The following TBC1D32 variants were observed in gnomAD, a reference collection of about 807,000 sequenced individuals.
TBC1D32 encodes the protein TBC1 domain family member 32, also known as protein broad-minded.
Under a neutral mutation model 170.3 loss-of-function variants are expected in TBC1D32, and 151 were observed. The ratio of observed to expected loss-of-function variants is 0.89; its 90% CI spans 0.78 to 1.01. The LOEUF is 1.01. Ranked by LOEUF, TBC1D32 falls within the 50% of genes least tolerant of loss-of-function variation. The pLI, the probability that TBC1D32 is intolerant of heterozygous loss-of-function variation, is 0.00. For synonymous variants in TBC1D32, 498 were observed against 488.0 expected (o/e 1.02, Z -0.27); for missense variants, 1,464 against 1,457.1 (o/e 1.00, Z -0.08).
Position 121,239,180 on chromosome 6 carries a change from T to C in TBC1D32, c.2254A>G (p.Asn752Asp). The C allele has an allele frequency of 6.5e-7, 1 of 1,549,080 alleles. No individual in the cohort carries two copies. The highest frequency in any genetic ancestry group is 8.9e-7 in the Non-Finnish European group (1 of 1,126,746). ...GIALKKSGFINELITELWSNL... is the reference protein window; with the variant it reads ...GIALKKSGFIDELITELWSNL... ...GACCATAATTCAGTTATAAGTTCAT[T>C]AATAAACCCTAAAAAGAATTATTAC... Residue 752 changes from asparagine to aspartate, a missense_variant, in exon 20 of 32, where the codon AAT becomes GAT. Physicochemically the swap from Asn to Asp is conservative, Grantham distance 23 (BLOSUM62 1). Coordinates refer to ENST00000398212, the MANE Select transcript of TBC1D32 (RefSeq NM_152730.6).
intron 15 of TBC1D32, among the ~76,000 whole-genome samples, chr6:121,272,801 C>T (rs1228455843): frequency 6.6e-6 from 1 of 152,224 alleles, no homozygotes; most frequent in Admixed American, 6.6e-5. Context: ...TGTAAAGACA[C>T]ATGCACACGT....
At position 121,136,121 on chromosome 6, in the gene TBC1D32, A is replaced by G. The variant is rs77071143; in HGVS notation, c.2774-4369T>C. Among the ~76,000 whole-genome samples, 1,156 of 152,292 alleles carry G rather than the reference A, an allele frequency of 7.6e-3. 18 individuals carry two copies. Among genetic ancestry groups the G allele is most frequent in the African/African-American group, 0.027 (1,108 of 41,568 alleles). On this transcript the variant is annotated intron_variant, in intron 24 of 31. Coordinates refer to ENST00000398212, the MANE Select transcript of TBC1D32 (RefSeq NM_152730.6). The stretch of plus-strand genomic sequence containing the variant: ...ATTAATAGACACAGATTCACAAAAG[A>G]TTGAAATTATCAAGGACATAAGAGC...
At chr6:121,280,343 A>C (rs1802808430) in intron 14 of TBC1D32, among the ~76,000 whole-genome samples, 1 of 151,792 alleles carries the variant, frequency 6.6e-6, no homozygotes, top group Non-Finnish European at 1.5e-5. Context: ...AACACGTATT[A>C]TTCACTTCTA....
intron 1 of TBC1D32, 62 bp downstream of exon 1, chr6:121,334,214 C>A: frequency 7.2e-7 from 1 of 1,388,528 alleles, no homozygotes; most frequent in Non-Finnish European, 1.0e-6. Flanking sequence ...CACTGTTGAC[C>A]CTTCTCTGGA....
intron 15 of TBC1D32, among the ~76,000 whole-genome samples, chr6:121,260,564 G>T (rs536424551): frequency 5.2e-4 from 79 of 152,310 alleles, no homozygotes; most frequent in Non-Finnish European, 9.0e-4. Context: ...GCAAGGAGCT[G>T]CCTCCCCTCA....
chr6:121,119,042 A>G (rs146770480), intron 26 of TBC1D32, among the ~76,000 whole-genome samples: 2 of 152,246 alleles, frequency 1.3e-5, no homozygotes, highest in Non-Finnish European at 1.5e-5. Context: ...CACAAGTACT[A>G]CGCCTGCTCT....
chr6:121,254,200 G>A (rs61449799), intron 17 of TBC1D32, among the ~76,000 whole-genome samples: 5,536 of 152,186 alleles, frequency 0.036, 279 homozygotes, highest in African/African-American at 0.11. Flanking sequence ...AGGATGCAAA[G>A]GCATAAGCAT....
At chr6:121,147,933 T>TTTTTA (rs763020260) in intron 24 of TBC1D32, among the ~76,000 whole-genome samples, 1 of 151,088 alleles carries the variant, frequency 6.6e-6, no homozygotes, top group Non-Finnish European at 1.5e-5. Flanking sequence ...TTTTTTTTTT[T>TTTTTA]GAGAAGTATC....
At chr6:121,191,459 C>T (rs1396056782) in intron 22 of TBC1D32, among the ~76,000 whole-genome samples, 2 of 152,060 alleles carry the variant, frequency 1.3e-5, no homozygotes, top group African/African-American at 4.8e-5. Flanking sequence ...TTTCAATACA[C>T]ATACAACCAT....
At chr6:121,188,352 A>T (rs1265138034) in intron 22 of TBC1D32, among the ~76,000 whole-genome samples, 1 of 152,164 alleles carries the variant, frequency 6.6e-6, no homozygotes, top group African/African-American at 2.4e-5. Context: ...ATTAACTCCA[A>T]GGAAAGTAAA....
At chr6:121,244,035 T>C (rs1797310199) in intron 17 of TBC1D32, among the ~76,000 whole-genome samples, 1 of 151,966 alleles carries the variant, frequency 6.6e-6, no homozygotes, top group Non-Finnish European at 1.5e-5. Context: ...AAGCAAGCAT[T>C]AACAAGACCA....
intron 30 of TBC1D32, among the ~76,000 whole-genome samples, chr6:121,102,491 C>G (rs576281407): frequency 8.6e-5 from 13 of 151,908 alleles, no homozygotes; most frequent in South Asian, 2.1e-4. Context: ...AATGGGGAAA[C>G]AATTCCCTAT....
chr6:121,310,288 G>C (rs1361605459), intron 4 of TBC1D32, among the ~76,000 whole-genome samples: 1 of 152,050 alleles, frequency 6.6e-6, no homozygotes, highest in Non-Finnish European at 1.5e-5. Flanking sequence ...GTGAGGCAAT[G>C]CATGTTAGAA....
In TBC1D32 at chr6:121,288,658, C is replaced by T. The variant is rs572253265; in HGVS notation, c.1372+3395G>A. ...ATCCTCTCTAACTCATTTTATGAGG[C>T]CAGCATCATCCTGATACCAAAGCCT... On this transcript the variant is annotated intron_variant, in intron 12 of 31. Coordinates refer to ENST00000398212, the MANE Select transcript of TBC1D32 (RefSeq NM_152730.6). Among the ~76,000 whole-genome samples the T allele has an allele frequency of 9.0e-4, 137 of 152,280 alleles. 1 individual carries two copies. Among genetic ancestry groups the T allele is most frequent in the African/African-American group, 2.7e-3 (113 of 41,566 alleles).
chr6:121,222,349 C>T (rs1054549098), intron 21 of TBC1D32, among the ~76,000 whole-genome samples: 2 of 152,000 alleles, frequency 1.3e-5, no homozygotes, highest in Non-Finnish European at 2.9e-5. Context: ...TGAGGTATAC[C>T]TGTACTTAAG....
chr6:121,263,723 G>T (rs903610153), intron 15 of TBC1D32, among the ~76,000 whole-genome samples: 2 of 152,108 alleles, frequency 1.3e-5, no homozygotes, highest in Non-Finnish European at 2.9e-5. Flanking sequence ...AAATGCAAAA[G>T]AAATGAAATC....
chr6:121,211,265 T>C (rs971197698), intron 21 of TBC1D32, among the ~76,000 whole-genome samples: 1 of 152,216 alleles, frequency 6.6e-6, no homozygotes, highest in African/African-American at 2.4e-5. Context: ...TATAGCAGGC[T>C]ATATTTCACT....
intron 22 of TBC1D32, among the ~76,000 whole-genome samples, chr6:121,175,939 T>C (rs986171109): frequency 1.3e-5 from 2 of 152,220 alleles, no homozygotes; most frequent in Non-Finnish European, 2.9e-5. Context: ...CATCTCCTAA[T>C]CACATAAATT....
Position 121,080,405 on chromosome 6 carries a change from G to A in TBC1D32, c.*366C>T, listed in dbSNP as rs544266421. ...TAATTTCAGTATTGTTAGCAGAGACGAGGTTTCACCATTTTGGCCAGGATG... is the reference window on the plus strand; with the variant it reads ...TAATTTCAGTATTGTTAGCAGAGACAAGGTTTCACCATTTTGGCCAGGATG... On this transcript the variant is annotated 3_prime_UTR_variant, in exon 32 of 32. Transcript: ENST00000398212. 7 of 284,058 alleles carry A rather than the reference G, an allele frequency of 2.5e-5. No homozygotes were observed. Among genetic ancestry groups the A allele is most frequent in the Non-Finnish European group, 3.7e-5 (5 of 135,642 alleles). 17.6% of individuals were successfully genotyped at this position (284,058 alleles called of 1,614,324 possible). A position where few individuals can be genotyped will look rare whatever the true frequency, so the allele number is the denominator to read the frequency against.
Sources: gnomAD v4.1 joint callset for allele counts (sites outside exome capture counted in the v4.1 genomes callset) on GRCh38, gnomAD v4.1.1 for gene constraint, MANE v1.5 for transcripts, NCBI Gene and HGNC (gene_info 2026-07-23, HGNC 2026-07-21) for gene names.